The following JADE3 variants were observed in gnomAD, a reference collection of about 807,000 sequenced individuals.
JADE3 encodes protein Jade-3.
In JADE3, 2 loss-of-function variants were observed where a neutral mutation model predicts 50.1. That is an observed-to-expected ratio of 0.04 (90% CI 0.02 to 0.13). JADE3 has a LOEUF of 0.13. Ranked by LOEUF, JADE3 falls within the 10% of genes least tolerant of loss-of-function variation. JADE3 has a pLI of 1.00. For synonymous variants in JADE3, 218 were observed against 232.9 expected, an observed-to-expected ratio of 0.94 and a Z score of 0.58; for missense variants, 475 against 634.4, an observed-to-expected ratio of 0.75 and a Z score of 2.70.
intron 1 of JADE3, among the ~76,000 whole-genome samples, chrX:46,929,989 C>T (rs1424387283): frequency 8.9e-6 from 1 of 112,191 alleles, no homozygotes; most frequent in Non-Finnish European, 1.9e-5. Flanking sequence ...AGAGTACTTA[C>T]TGGCTACAAT....
At chrX:46,947,220 A>G (rs1926902908) in intron 1 of JADE3, among the ~76,000 whole-genome samples, 1 of 111,141 alleles carries the variant, frequency 9.0e-6, no homozygotes, top group Non-Finnish European at 1.9e-5. Flanking sequence ...GGGTTTCACC[A>G]TGTTGGCCAG....
chrX:46,923,241 C>T (rs1251232014), intron 1 of JADE3, among the ~76,000 whole-genome samples: 2 of 108,043 alleles, frequency 1.9e-5, no homozygotes, highest in Non-Finnish European at 3.8e-5. Flanking sequence ...TCTGGAACTC[C>T]TGGGTTCAGG....
chrX:47,017,676 T>C (rs1206684148), intron 4 of JADE3, among the ~76,000 whole-genome samples: 2 of 112,130 alleles, frequency 1.8e-5, no homozygotes, highest in Non-Finnish European at 3.8e-5. Flanking sequence ...AACTTGCTTT[T>C]TTCACTTAAT....
chrX:46,954,609 C>T (rs1927075214), intron 1 of JADE3, among the ~76,000 whole-genome samples: 1 of 111,238 alleles, frequency 9.0e-6, no homozygotes, highest in Middle Eastern at 4.2e-3. Context: ...GGCTGGAGTG[C>T]AGTGGTGCGA....
intron 1 of JADE3, among the ~76,000 whole-genome samples, chrX:46,979,921 C>G (rs1420289564): frequency 4.1e-5 from 4 of 98,698 alleles, no homozygotes; most frequent in African/African-American, 1.5e-4. Flanking sequence ...TCGCTGTCAC[C>G]CAGGCTGGAG....
chrX:46,947,743 A>C lies in JADE3; in HGVS notation c.-12+35024A>C, dbSNP rs1180892829. ...TTTATCTTTCATAATAAAAATCTGC[A>C]TTTTGCTCATCCCCAGCATGAGAGG... On this transcript the variant is annotated intron_variant, in intron 1 of 10. Transcript: ENST00000614628. 4.0e-4 allele frequency among the ~76,000 whole-genome samples: 45 copies of C among 111,316 alleles called. No homozygotes were observed. The Admixed American group carries it at 4.3e-3, about 11-fold the overall frequency.
At chrX:47,019,854 C>T (rs1168678375) in intron 4 of JADE3, among the ~76,000 whole-genome samples, 2 of 111,784 alleles carry the variant, frequency 1.8e-5, no homozygotes, top group East Asian at 2.8e-4. Context: ...ACTGGTCTCC[C>T]CTGGAGAGCA....
intron 1 of JADE3, among the ~76,000 whole-genome samples, chrX:46,961,960 G>A (rs981482790): frequency 4.5e-5 from 5 of 112,307 alleles, no homozygotes; most frequent in Admixed American, 9.5e-5. Flanking sequence ...AGACCCACAC[G>A]AGCACACAAA....
intron 1 of JADE3, among the ~76,000 whole-genome samples, chrX:46,925,034 G>A (rs1315135725): frequency 4.5e-5 from 5 of 111,846 alleles, no homozygotes; most frequent in African/African-American, 1.6e-4. Flanking sequence ...GGTCCCCAAG[G>A]GCAGTGGAAA....
intron 1 of JADE3, among the ~76,000 whole-genome samples, chrX:46,977,047 A>T (rs1556351787): frequency 8.9e-6 from 1 of 111,979 alleles, no homozygotes; most frequent in East Asian, 2.8e-4. Flanking sequence ...AAAAAGCTGT[A>T]CATAGTTAAT....
chrX:46,946,542 C>G lies in JADE3; in HGVS notation c.-12+33823C>G, dbSNP rs782500455. Among the ~76,000 whole-genome samples, 8 of 112,303 alleles carry G rather than the reference C, an allele frequency of 7.1e-5. 1 individual carries two copies. The Admixed American group carries it at 7.5e-4, about 11-fold the overall frequency. ...AAAATAGTGCCTCCATGAGTATATC[C>G]TCCTGTACTTGGGGAGGGACTTGAG... On this transcript the variant is annotated intron_variant, in intron 1 of 10. Coordinates refer to ENST00000614628, the MANE Select transcript of JADE3 (RefSeq NM_014735.5).
Position 47,033,746 on chromosome X carries a change from G to A in JADE3, c.813G>A (p.Gly271=), listed in dbSNP as rs1556367274. 8.4e-7 allele frequency: 1 copy of A among 1,191,357 alleles called. No individual in the cohort carries two copies. Among genetic ancestry groups the A allele is most frequent in the South Asian group, 1.9e-5 (1 of 53,611 alleles). Residue 271 remains glycine, a synonymous_variant, in exon 7 of 11, where the codon GGG becomes GGA. Coordinates refer to ENST00000614628, the MANE Select transcript of JADE3 (RefSeq NM_014735.5). The stretch of plus-strand genomic sequence containing the variant: ...GAGCCCTGAAGACCACCAAGACAGG[G>A]ACTAAATGGGCTCATGTCAGCTGTG... ...KGGALKTTKT[G]TKWAHVSCAL... is the part of the protein sequence containing the mutation.
rs1556336856 is a variant in JADE3 at position 46,917,865 on chromosome X, CT to C, written c.-12+5147del. Among the ~76,000 whole-genome samples, 38 of 91,511 alleles carry C rather than the reference CT, an allele frequency of 4.2e-4. 1 individual carries two copies. The highest frequency in any genetic ancestry group is 9.9e-4 in the South Asian group (2 of 2,012). The allele number at this position is 91,511 out of a possible 115,157, so 79.5% of individuals were successfully genotyped here. A position where few individuals can be genotyped will look rare whatever the true frequency, so the allele number is the denominator to read the frequency against. On this transcript the variant is annotated intron_variant, in intron 1 of 10. Coordinates refer to ENST00000614628, the MANE Select transcript of JADE3 (RefSeq NM_014735.5). ...TCTCTCTCTCTCTCTCATCCTCTCT[CT>C]CTCTCTCTCTCTCTCTCTCATCCTC...
intron 4 of JADE3, among the ~76,000 whole-genome samples, chrX:47,007,829 G>A (rs1329833654): frequency 1.9e-5 from 2 of 107,032 alleles, no homozygotes; most frequent in Non-Finnish European, 3.9e-5. Flanking sequence ...GTGTGTGTGT[G>A]TGTGTGTGTG....
chrX:47,023,334 C>G (rs782266487), intron 4 of JADE3, among the ~76,000 whole-genome samples: 1 of 111,392 alleles, frequency 9.0e-6, no homozygotes. Context: ...TTTCATCATT[C>G]AGCTCCCACT....
intron 8 of JADE3, among the ~76,000 whole-genome samples, chrX:47,047,442 G>A (rs782241715): frequency 3.9e-4 from 43 of 110,479 alleles, no homozygotes; most frequent in African/African-American, 1.4e-3. Context: ...AGCTACTTGG[G>A]AGGCTGAGAC....
In JADE3 at chrX:46,984,936, C is replaced by T. The variant is rs1249432541; in HGVS notation, c.42C>T (p.Asp14=). The part of the protein sequence containing the change: ...HRPVSSSDSS[D]ESPSTSFTSG... ...CTGTCAGCAGCAGTGACAGTTCAGA[C>T]GAAAGTGAGTAGAACCGGCTGGCAG... Residue 14 remains aspartate, a synonymous_variant, in exon 2 of 11, where the codon GAC becomes GAT. Coordinates refer to ENST00000614628, the MANE Select transcript of JADE3 (RefSeq NM_014735.5). 8.3e-7 allele frequency: 1 copy of T among 1,201,526 alleles called. No individual in the cohort carries two copies. The highest frequency in any genetic ancestry group is 1.8e-5 in the African/African-American group (1 of 56,902).
chrX:46,917,817 CTCTCA>C, intron 1 of JADE3, among the ~76,000 whole-genome samples: 1 of 86,447 alleles, frequency 1.2e-5, no homozygotes, highest in South Asian at 7.1e-4. Context: ...CTCTCTCTCT[CTCTCA>C]CTCTCTCTCA....
intron 1 of JADE3, among the ~76,000 whole-genome samples, chrX:46,940,031 A>C (rs782297611): frequency 8.9e-6 from 1 of 112,601 alleles, no homozygotes; most frequent in Non-Finnish European, 1.9e-5. Flanking sequence ...ATTAGGACAC[A>C]GACCAAATAG....
Sources: gnomAD v4.1 joint callset for allele counts (sites outside exome capture counted in the v4.1 genomes callset) on GRCh38, gnomAD v4.1.1 for gene constraint, MANE v1.5 for transcripts, NCBI Gene and HGNC (gene_info 2026-07-23, HGNC 2026-07-21) for gene names.